The following MEGF11 variants were observed in gnomAD, a reference collection of about 807,000 sequenced individuals.
MEGF11 encodes multiple epidermal growth factor-like domains protein 11.
Under a neutral mutation model 146.6 loss-of-function variants are expected in MEGF11, and 126 were observed. The ratio of observed to expected loss-of-function variants is 0.86; its 90% CI spans 0.74 to 1.00. The LOEUF is 1.00. Ranked by LOEUF, MEGF11 falls within the 50% of genes least tolerant of loss-of-function variation. The probability of loss-of-function intolerance (pLI) is 0.00; values close to 1 mark genes in which losing one functional copy is unlikely to be tolerated. For missense variants in MEGF11, 1,509 were observed against 1,521.2 expected (o/e 0.99, Z 0.13); for synonymous variants, 532 against 583.4 (o/e 0.91, Z 1.27).
chr15:65,933,408 A>C (rs965827087), intron 10 of MEGF11, among the ~76,000 whole-genome samples: 2 of 152,178 alleles, frequency 1.3e-5, no homozygotes, highest in African/African-American at 4.8e-5. Flanking sequence ...ATCTCCCTGC[A>C]AGGCCTCAGG....
intron 5 of MEGF11, among the ~76,000 whole-genome samples, chr15:65,991,223 C>T (rs1376484085): frequency 2.0e-5 from 3 of 152,202 alleles, no homozygotes; most frequent in African/African-American, 7.2e-5. Flanking sequence ...GAGGAGTGAG[C>T]ACACGCACGT....
intron 4 of MEGF11, among the ~76,000 whole-genome samples, chr15:66,117,853 T>C (rs1023744096): frequency 1.9e-4 from 29 of 152,210 alleles, no homozygotes; most frequent in African/African-American, 6.0e-4. Context: ...CTGCTTTGTA[T>C]CTTTCCTACA....
intron 1 of MEGF11, among the ~76,000 whole-genome samples, chr15:66,180,389 C>A (rs996736006): frequency 6.6e-6 from 1 of 152,226 alleles, no homozygotes; most frequent in Non-Finnish European, 1.5e-5. Flanking sequence ...TCTCAGGGAA[C>A]CTCAATGCCA....
At chr15:66,178,219 C>A (rs2090443930) in intron 1 of MEGF11, among the ~76,000 whole-genome samples, 1 of 151,808 alleles carries the variant, frequency 6.6e-6, no homozygotes, top group African/African-American at 2.4e-5. Context: ...CTCCTGGGCT[C>A]AAGCGATCTG....
In MEGF11 at chr15:65,982,619, G is replaced by A. The variant is rs2141692909; in HGVS notation, c.395-131C>T. ...CCCCGGACAGGTGGCAGCAAGGGGT[G>A]CCTGGAAGCTTTGGTGCCTCATAAC... On this transcript the variant is annotated intron_variant, in intron 5 of 25. Transcript: ENST00000395614. The surrounding 1 kb of genome is among the most constrained non-coding windows in gnomAD (Gnocchi z 5.6). The A allele has an allele frequency of 1.8e-6, 2 of 1,129,212 alleles. No individual in the cohort carries two copies. The highest frequency in any genetic ancestry group is 3.8e-5 in the South Asian group (2 of 52,040). The allele number at this position is 1,129,212 out of a possible 1,614,324, so 69.9% of individuals were successfully genotyped here. A position where few individuals can be genotyped will look rare whatever the true frequency, so the allele number is the denominator to read the frequency against.
intron 5 of MEGF11, among the ~76,000 whole-genome samples, chr15:65,987,911 G>C (rs535819104): frequency 5.4e-4 from 82 of 151,214 alleles, no homozygotes; most frequent in African/African-American, 2.0e-3. Flanking sequence ...GGGTTTCACT[G>C]TGTTAGCCAG....
At chr15:66,083,184 T>C (rs781570541) in intron 5 of MEGF11, among the ~76,000 whole-genome samples, 5 of 152,244 alleles carry the variant, frequency 3.3e-5, no homozygotes, top group African/African-American at 9.6e-5. Flanking sequence ...GTTTTGGGGC[T>C]ATACCACCAG....
chr15:66,008,940 A>G (rs998937266), intron 5 of MEGF11, among the ~76,000 whole-genome samples: 2 of 152,154 alleles, frequency 1.3e-5, no homozygotes, highest in Non-Finnish European at 1.5e-5. Context: ...CTCTTCTAGG[A>G]CCCACAAAAT....
Position 66,119,257 on chromosome 15 carries a change from G to A in MEGF11, c.201-71C>T, listed in dbSNP as rs28656156. The A allele has an allele frequency of 3.4e-3, 3,755 of 1,110,596 alleles. 80 individuals carry two copies. The African/African-American group carries it at 0.049, about 14-fold the overall frequency. 68.8% of individuals were successfully genotyped at this position (1,110,596 alleles called of 1,614,324 possible). On this transcript the variant is annotated intron_variant, in intron 3 of 25. Coordinates refer to ENST00000395614, the MANE Select transcript of MEGF11 (RefSeq NM_001385028.1). Reference sequence around the variant, plus strand: ...CACTCCCATTTAGAATGATATTTGTGTTAAGCTATATTGAGGATGCCATTC... The same window carrying A: ...CACTCCCATTTAGAATGATATTTGTATTAAGCTATATTGAGGATGCCATTC...
intron 5 of MEGF11, among the ~76,000 whole-genome samples, chr15:66,030,091 C>T (rs754356309): frequency 1.3e-5 from 2 of 152,228 alleles, no homozygotes; most frequent in African/African-American, 2.4e-5. Flanking sequence ...AATCTTGCTT[C>T]TGACAGTGAC....
chr15:65,964,064 A>G (rs554980298), intron 9 of MEGF11, among the ~76,000 whole-genome samples: 225 of 152,270 alleles, frequency 1.5e-3, no homozygotes, highest in African/African-American at 5.0e-3. Flanking sequence ...GACCTTCATC[A>G]CCCAGATAAG....
intron 9 of MEGF11, among the ~76,000 whole-genome samples, chr15:65,959,122 A>ATTCT (rs2080765630): frequency 6.6e-6 from 1 of 152,104 alleles, no homozygotes; most frequent in Admixed American, 6.6e-5. Context: ...TCTTCCATTG[A>ATTCT]TTCTTTATTC....
At chr15:65,970,939 G>A (rs958150677) in intron 7 of MEGF11, 5 of 522,464 alleles carry the variant, frequency 9.6e-6, no homozygotes, top group Non-Finnish European at 1.4e-5. Flanking sequence ...TGAGACACTA[G>A]GGGTGATTCG....
chr15:65,920,741 G>T (rs1397767664), intron 15 of MEGF11, among the ~76,000 whole-genome samples: 1 of 152,232 alleles, frequency 6.6e-6, no homozygotes. Flanking sequence ...TAACTTGCTG[G>T]AAAGCCAGTC....
chr15:66,182,398 T>A (rs749745387), intron 1 of MEGF11, among the ~76,000 whole-genome samples: 1 of 128,512 alleles, frequency 7.8e-6, no homozygotes, highest in Non-Finnish European at 1.7e-5. Context: ...TGACCAGCTG[T>A]CCCAAGAATA....
At chr15:66,119,363 T>C (rs1402994416) in intron 3 of MEGF11, among the ~76,000 whole-genome samples, 177 bp from the exon 4 acceptor site, 3 of 152,202 alleles carry the variant, frequency 2.0e-5, no homozygotes, top group Non-Finnish European at 4.4e-5. Flanking sequence ...TGGGCTGTTG[T>C]GATGCAGAAT....
chr15:66,022,436 GTGCA>G (rs1381350490), intron 5 of MEGF11, among the ~76,000 whole-genome samples: 1 of 152,188 alleles, frequency 6.6e-6, no homozygotes, highest in African/African-American at 2.4e-5. Context: ...CTACCAAAAT[GTGCA>G]TGCATGCAGG....
At position 65,982,156 on chromosome 15, in the gene MEGF11, C is replaced by A; in HGVS notation, c.641+86G>T. ...CACTCCAGGCCCCGCCCCAGCCCCT[C>A]CACCTCCTCTACCCTCCCCACCCAG... On this transcript the variant is annotated intron_variant, in intron 6 of 25. Coordinates refer to ENST00000395614, the MANE Select transcript of MEGF11 (RefSeq NM_001385028.1). The surrounding 1 kb of genome is among the most constrained non-coding windows in gnomAD (Gnocchi z 5.6). 1.6e-6 allele frequency: 2 copies of A among 1,288,350 alleles called. No homozygotes were observed. Among genetic ancestry groups the A allele is most frequent in the Non-Finnish European group, 1.0e-6 (1 of 974,852 alleles). 79.8% of individuals were successfully genotyped at this position (1,288,350 alleles called of 1,614,324 possible). A position where few individuals can be genotyped will look rare whatever the true frequency, so the allele number is the denominator to read the frequency against.
chr15:66,221,701 G>C (rs2140165068), intron 1 of MEGF11, among the ~76,000 whole-genome samples: 1 of 152,026 alleles, frequency 6.6e-6, no homozygotes, highest in African/African-American at 2.4e-5. Flanking sequence ...AAACTTGATG[G>C]GATTTAACAT....
Sources: allele counts gnomAD v4.1 joint callset (sites outside exome capture counted in the v4.1 genomes callset), GRCh38; gene constraint gnomAD v4.1.1; non-coding constraint Gnocchi (gnomAD v3.1); transcripts MANE v1.5; gene names NCBI Gene and HGNC (gene_info 2026-07-23, HGNC 2026-07-21).